The following PRKCE variants were observed in gnomAD, a reference collection of about 807,000 sequenced individuals.
PRKCE encodes the protein protein kinase C epsilon type.
A neutral mutation model predicts 85.4 loss-of-function variants in PRKCE; 16 were observed. The ratio of observed to expected loss-of-function variants is 0.19; its 90% confidence interval spans 0.13 to 0.28. PRKCE has a LOEUF of 0.28. PRKCE is among the 10% of genes least tolerant of loss of function. The pLI is 1.00. For synonymous variants in PRKCE, 388 were observed against 371.5 expected (o/e 1.04, Z -0.51); for missense variants, 573 against 975.2 (o/e 0.59, Z 5.49).
At chr2:45,659,188 T>C (rs1195117121) in intron 1 of PRKCE, among the ~76,000 whole-genome samples, 2 of 152,188 alleles carry the variant, frequency 1.3e-5, no homozygotes, top group Admixed American at 1.3e-4. Flanking sequence ...CCTAATATTG[T>C]ATACCTATTT....
intron 2 of PRKCE, among the ~76,000 whole-genome samples, chr2:45,913,805 C>G (rs1697554306): frequency 6.6e-6 from 1 of 152,144 alleles, no homozygotes; most frequent in Non-Finnish European, 1.5e-5. Context: ...GGGAGAGGAG[C>G]CAGTGTATAA....
intron 1 of PRKCE, among the ~76,000 whole-genome samples, chr2:45,735,726 G>C (rs948356358): frequency 1.3e-5 from 2 of 152,206 alleles, no homozygotes; most frequent in Admixed American, 6.5e-5. Context: ...TTGTGCACTT[G>C]TCTGAAGGTG....
chr2:45,722,786 T>A (rs1011451965), intron 1 of PRKCE, among the ~76,000 whole-genome samples: 1 of 152,178 alleles, frequency 6.6e-6, no homozygotes, highest in Non-Finnish European at 1.5e-5. Context: ...AACCTAGGAA[T>A]GCATTGTAGT....
chr2:45,752,698 C>T (rs576945033), intron 1 of PRKCE, among the ~76,000 whole-genome samples: 22 of 152,262 alleles, frequency 1.4e-4, no homozygotes, highest in African/African-American at 5.1e-4. Flanking sequence ...TCATCTCCTG[C>T]GTCTGCAGGC....
chr2:45,979,369 G>A (rs755566411), intron 4 of PRKCE, among the ~76,000 whole-genome samples: 4 of 152,154 alleles, frequency 2.6e-5, no homozygotes, highest in African/African-American at 4.8e-5. Context: ...TATTCTGCCA[G>A]ATCCCTCCCT....
chr2:45,757,012 A>G (rs1406478294), intron 1 of PRKCE, among the ~76,000 whole-genome samples: 1 of 152,142 alleles, frequency 6.6e-6, no homozygotes, highest in African/African-American at 2.4e-5. Flanking sequence ...GCACTTTGGG[A>G]GGCCGAGGCG....
intron 2 of PRKCE, among the ~76,000 whole-genome samples, chr2:45,936,612 C>G (rs552965935): frequency 6.6e-6 from 1 of 152,328 alleles, no homozygotes; most frequent in African/African-American, 2.4e-5. Flanking sequence ...GCCAGGTTTT[C>G]CTAACCTTAC....
intron 1 of PRKCE, among the ~76,000 whole-genome samples, chr2:45,714,735 G>C (rs1679948363): frequency 6.6e-6 from 1 of 152,110 alleles, no homozygotes; most frequent in Non-Finnish European, 1.5e-5. Flanking sequence ...TAACTCACTG[G>C]GTGTCTTCCC....
intron 1 of PRKCE, among the ~76,000 whole-genome samples, chr2:45,713,061 G>T (rs1225180625): frequency 6.6e-6 from 1 of 152,136 alleles, no homozygotes; most frequent in African/African-American, 2.4e-5. Context: ...GTCCCAGTCT[G>T]GTGCTGACTT....
At chr2:45,710,557 C>T (rs1156749974) in intron 1 of PRKCE, among the ~76,000 whole-genome samples, 1 of 152,214 alleles carries the variant, frequency 6.6e-6, no homozygotes, top group Non-Finnish European at 1.5e-5. Flanking sequence ...CTTTGTGAAG[C>T]CTGTCCATAG....
intron 10 of PRKCE, among the ~76,000 whole-genome samples, chr2:46,072,328 TC>T (rs201469452): frequency 0.023 from 3,451 of 152,192 alleles, 65 homozygotes; most frequent in Non-Finnish European, 0.035. Flanking sequence ...GTTTCCAGTT[TC>T]CCCCGGATTA....
At chr2:45,843,293 A>G (rs1486527032) in intron 2 of PRKCE, among the ~76,000 whole-genome samples, 1 of 152,256 alleles carries the variant, frequency 6.6e-6, no homozygotes, top group African/African-American at 2.4e-5. Context: ...AAGTGAGGCC[A>G]ATAAAACGGG....
chr2:45,700,242 G>T (rs1256797898), intron 1 of PRKCE, among the ~76,000 whole-genome samples: 1 of 151,946 alleles, frequency 6.6e-6, no homozygotes, highest in Non-Finnish European at 1.5e-5. Context: ...TTTTTTCTTT[G>T]CAGCACTCGA....
intron 2 of PRKCE, among the ~76,000 whole-genome samples, chr2:45,846,888 C>T (rs1691836194): frequency 6.6e-6 from 1 of 152,190 alleles, no homozygotes; most frequent in Non-Finnish European, 1.5e-5. Flanking sequence ...CAGTAAATAT[C>T]ATGAAGCCTT....
At chr2:45,833,733 A>G (rs1275488705) in intron 1 of PRKCE, among the ~76,000 whole-genome samples, 4 of 152,246 alleles carry the variant, frequency 2.6e-5, no homozygotes, top group Non-Finnish European at 1.5e-5. Flanking sequence ...CACACATTCA[A>G]ATATACCTAG....
chr2:45,806,255 G>A (rs1688233765), intron 1 of PRKCE, among the ~76,000 whole-genome samples: 1 of 152,170 alleles, frequency 6.6e-6, no homozygotes, highest in Non-Finnish European at 1.5e-5. Flanking sequence ...GTGTGAGAAG[G>A]CTTGTGAGCA....
chr2:45,801,082 C>A (rs951791770), intron 1 of PRKCE, among the ~76,000 whole-genome samples: 4 of 152,024 alleles, frequency 2.6e-5, no homozygotes, highest in African/African-American at 9.7e-5. Context: ...GAGGTGGTGG[C>A]AGCACTGGAG....
intron 10 of PRKCE, among the ~76,000 whole-genome samples, chr2:46,055,124 A>G (rs548362424): frequency 3.0e-4 from 45 of 152,350 alleles, no homozygotes; most frequent in African/African-American, 9.9e-4. Context: ...AGGCCGTCAC[A>G]CTGACCCTCC....
chr2:46,069,541 C>A (rs1667897599), intron 10 of PRKCE, among the ~76,000 whole-genome samples: 1 of 152,052 alleles, frequency 6.6e-6, no homozygotes, highest in South Asian at 2.1e-4. Context: ...ATTTTGATTC[C>A]ATTCATTTAT....
Sources: gnomAD v4.1 joint callset for allele counts (sites outside exome capture counted in the v4.1 genomes callset) on GRCh38, gnomAD v4.1.1 for gene constraint, MANE v1.5 for transcripts, NCBI Gene and HGNC (gene_info 2026-07-23, HGNC 2026-07-21) for gene names.